Variants in MDGA1 observed in about 807,000 individuals in gnomAD.
The protein encoded by MDGA1 is MAM domain-containing glycosylphosphatidylinositol anchor protein 1.
In MDGA1, 54 loss-of-function variants were observed where a neutral mutation model predicts 101.5. The observed-to-expected ratio is 0.53, with a 90% confidence interval of 0.43 to 0.67. The LOEUF is 0.67. MDGA1 is among the 30% of genes least tolerant of loss of function. The probability of loss-of-function intolerance (pLI) is 0.00; values close to 1 mark genes in which losing one functional copy is unlikely to be tolerated. For missense variants in MDGA1, 1,083 were observed against 1,323.8 expected, an observed-to-expected ratio of 0.82 and a Z score of 2.82; for synonymous variants, 533 against 558.3, an observed-to-expected ratio of 0.95 and a Z score of 0.64.
chr6:37,657,254 G>GT (rs972955820), intron 3 of MDGA1, among the ~76,000 whole-genome samples: 48 of 152,288 alleles, frequency 3.2e-4, no homozygotes, highest in African/African-American at 1.2e-3. Context: ...CCAGGCATCC[G>GT]TTTTTTTAAA....
chr6:37,685,279 G>A (rs1020086357), intron 1 of MDGA1, among the ~76,000 whole-genome samples: 1 of 151,840 alleles, frequency 6.6e-6, no homozygotes, highest in Non-Finnish European at 1.5e-5. Context: ...GAGAAAGAGT[G>A]AGACATTGTC....
Position 37,645,923 on chromosome 6 carries a change from G to A in MDGA1, c.2248+10C>T, listed in dbSNP as rs541738247. The A allele has an allele frequency of 1.7e-5, 28 of 1,613,960 alleles. No individual in the cohort carries two copies. The East Asian group carries it at 6.0e-4, about 35-fold the overall frequency. On this transcript the variant is annotated intron_variant, in intron 12 of 16. Coordinates refer to ENST00000434837, the MANE Select transcript of MDGA1 (RefSeq NM_153487.4). The stretch of plus-strand genomic sequence containing the variant: ...GGAAGGGGAAGTCATGGGTGACTGG[G>A]GAGTCTCACCTGAAAGGTTCGGAGA...
intron 2 of MDGA1, among the ~76,000 whole-genome samples, chr6:37,661,250 A>G (rs976687713): frequency 6.6e-6 from 1 of 152,234 alleles, no homozygotes; most frequent in South Asian, 2.1e-4. Flanking sequence ...GTGTGTATGC[A>G]GTGCCAGTCT....
chr6:37,644,489 G>A lies in MDGA1; in HGVS notation c.2401+8C>T, dbSNP rs887221858. The A allele has an allele frequency of 1.3e-6, 2 of 1,555,816 alleles. No homozygotes were observed. Among genetic ancestry groups the A allele is most frequent in the African/African-American group, 1.4e-5 (1 of 72,776 alleles). Reference sequence around the variant, plus strand: ...TCCTCCATTTCTGGCAGCAGGCCAGGTCCTCACCCTCAGGGGTGCCACTTA... The same window carrying A: ...TCCTCCATTTCTGGCAGCAGGCCAGATCCTCACCCTCAGGGGTGCCACTTA... On this transcript the variant is annotated splice_region_variant and intron_variant, in intron 13 of 16. Coordinates refer to ENST00000434837, the MANE Select transcript of MDGA1 (RefSeq NM_153487.4).
intron 1 of MDGA1, among the ~76,000 whole-genome samples, chr6:37,681,162 T>C (rs11961568): frequency 0.031 from 4,795 of 152,308 alleles, 98 homozygotes; most frequent in African/African-American, 0.068. Context: ...CACTTTCCTC[T>C]GTTTGAACAA....
chr6:37,654,705 G>A (rs1761443074), intron 5 of MDGA1, 95 bp downstream of exon 5: 62 of 1,552,398 alleles, frequency 4.0e-5, no homozygotes, highest in Non-Finnish European at 5.2e-5. Flanking sequence ...GACATTAGTG[G>A]CAGTGTGCCT....
intron 8 of MDGA1, 40 bp from the exon 9 acceptor site, chr6:37,649,306 C>T (rs1244222560): frequency 6.9e-6 from 10 of 1,447,492 alleles, no homozygotes; most frequent in Non-Finnish European, 8.1e-6. Flanking sequence ...CTCTCCCCAG[C>T]GAGTGGGGCC....
rs1214524710 is a variant in MDGA1 at position 37,655,517 on chromosome 6, C to T, written c.579+183G>A. On this transcript the variant is annotated intron_variant, in intron 4 of 16. Coordinates refer to ENST00000434837, the MANE Select transcript of MDGA1 (RefSeq NM_153487.4). The surrounding 1 kb of genome is among the most constrained non-coding windows in gnomAD (Gnocchi z 5.1). ...GGGGACACTCCTGCCCTCATTGCTG[C>T]TCCCTGACCTTTCCATCTGATTTTT... 9 of 586,550 alleles carry T rather than the reference C, an allele frequency of 1.5e-5. No homozygotes were observed. In the South Asian group the frequency reaches 2.0e-4, roughly 13 times the overall value. The allele number at this position is 586,550 out of a possible 1,614,324, so 36.3% of individuals were successfully genotyped here.
At chr6:37,679,773 T>C in intron 1 of MDGA1, among the ~76,000 whole-genome samples, 1 of 152,130 alleles carries the variant, frequency 6.6e-6, no homozygotes, top group East Asian at 1.9e-4. Context: ...TCATTTCCCC[T>C]TTACCACAGC....
intron 1 of MDGA1, among the ~76,000 whole-genome samples, chr6:37,685,856 C>T (rs1176242584): frequency 1.3e-5 from 2 of 152,086 alleles, no homozygotes; most frequent in South Asian, 2.1e-4. Context: ...GACCCCCACC[C>T]CCACCCCACC....
At chr6:37,689,763 C>T (rs1047500216) in intron 1 of MDGA1, among the ~76,000 whole-genome samples, 1 of 152,178 alleles carries the variant, frequency 6.6e-6, no homozygotes, top group Non-Finnish European at 1.5e-5. Context: ...ACCTCAGAGC[C>T]GTTTGCAGCT....
chr6:37,674,201 C>T (rs1419411776), intron 1 of MDGA1, among the ~76,000 whole-genome samples: 8 of 152,220 alleles, frequency 5.3e-5, no homozygotes, highest in Non-Finnish European at 1.0e-4. Flanking sequence ...CCAACCTTCC[C>T]TTTGGCTGCA....
chr6:37,654,493 C>T lies in MDGA1; in HGVS notation c.763G>A (p.Gly255Arg), dbSNP rs567455988. The change falls in exon 6 of 17, where the codon GGG (glycine) becomes AGG (arginine). Residue 255 changes from glycine (G) to arginine (R), a missense_variant. By Grantham distance (125) the Gly-to-Arg change is moderately radical (BLOSUM62 -2). This residue lies in a region of MDGA1 where 310 missense variants were observed against 355.9 expected (regional missense o/e 0.87). Coordinates refer to ENST00000434837, the MANE Select transcript of MDGA1 (RefSeq NM_153487.4). ...AGACACTGCACCGTCACATTCTCCC[C>T]AGGGTTCACCACCAGAGTTTCGTTC... is the stretch of plus-strand genomic sequence containing the variant. ...SVNETLVVNP[G>R]ENVTVQCLLT... 3.1e-6 allele frequency: 5 copies of T among 1,614,036 alleles called. No individual in the cohort carries two copies. The highest frequency in any genetic ancestry group is 2.5e-6 in the Non-Finnish European group (3 of 1,179,900).
At chr6:37,670,280 G>A (rs1247798898) in intron 1 of MDGA1, among the ~76,000 whole-genome samples, 2 of 152,194 alleles carry the variant, frequency 1.3e-5, no homozygotes, top group Middle Eastern at 3.2e-3. Context: ...AGAGAAAGGG[G>A]ACCACCTGCT....
At chr6:37,665,945 T>A (rs1485814438) in intron 1 of MDGA1, among the ~76,000 whole-genome samples, 3 of 152,152 alleles carry the variant, frequency 2.0e-5, no homozygotes, top group Non-Finnish European at 4.4e-5. Flanking sequence ...CAGCAGAAAT[T>A]CCTGTCTCAC....
At position 37,638,195 on chromosome 6, in the gene MDGA1, C is replaced by T. The variant is rs778713018; in HGVS notation, c.2776+10G>A. 45 of 1,610,814 alleles carry T rather than the reference C, an allele frequency of 2.8e-5. No homozygotes were observed. Among genetic ancestry groups the T allele is most frequent in the Middle Eastern group, 1.6e-4 (1 of 6,078 alleles). The stretch of plus-strand genomic sequence containing the variant: ...AGATTCAGCTCCCCCACCTCCTTCC[C>T]GTCTTGCACCTTTATTGGGATCCGT... On this transcript the variant is annotated intron_variant, in intron 16 of 16. Coordinates refer to ENST00000434837, the MANE Select transcript of MDGA1 (RefSeq NM_153487.4). The surrounding 1 kb of genome is among the most constrained non-coding windows in gnomAD (Gnocchi z 4.8).
At chr6:37,680,207 G>C (rs910386474) in intron 1 of MDGA1, among the ~76,000 whole-genome samples, 1 of 152,220 alleles carries the variant, frequency 6.6e-6, no homozygotes, top group African/African-American at 2.4e-5. Context: ...TCACTTGCCT[G>C]ACCCTTCCCA....
At chr6:37,639,671 T>C (rs908775633) in intron 14 of MDGA1, 1 of 152,250 alleles carries the variant, frequency 6.6e-6, no homozygotes, top group African/African-American at 2.4e-5. Flanking sequence ...AGGAAGTCCC[T>C]GACCACCCCA....
At position 37,647,288 on chromosome 6, in the gene MDGA1, G is replaced by A. The variant is rs1226164033; in HGVS notation, c.1931C>T (p.Pro644Leu). 5 of 1,554,542 alleles carry A rather than the reference G, an allele frequency of 3.2e-6. No individual in the cohort carries two copies. Among genetic ancestry groups the A allele is most frequent in the South Asian group, 2.4e-5 (2 of 84,142 alleles). Reference sequence around the variant, plus strand: ...CAGCTTGTGGCTGCGGGTGGGGTTGGGGGTGTCGAAGTAAAACTCCGGGCT... The same window carrying A: ...CAGCTTGTGGCTGCGGGTGGGGTTGAGGGTGTCGAAGTAAAACTCCGGGCT... ...AYSPEFYFDTPNPTRSHKLSK... is the reference protein window; with the variant it reads ...AYSPEFYFDTLNPTRSHKLSK... The change falls in exon 10 of 17, where the codon CCC becomes CTC. Residue 644 changes from proline to leucine, a missense_variant. Around this residue, in one of 3 missense-constraint regions of MDGA1, gnomAD observed 657 missense variants for 771.4 expected, o/e 0.85. Coordinates refer to ENST00000434837, the MANE Select transcript of MDGA1 (RefSeq NM_153487.4).
Sources: gnomAD v4.1 joint callset for allele counts (sites outside exome capture counted in the v4.1 genomes callset) on GRCh38, gnomAD v4.1.1 for gene constraint, gnomAD v4.1.1 regional missense constraint, Gnocchi (gnomAD v3.1) non-coding constraint, MANE v1.5 for transcripts, NCBI Gene and HGNC (gene_info 2026-07-23, HGNC 2026-07-21) for gene names.